The following FKBP11 variants were observed in gnomAD, a reference collection of about 807,000 sequenced individuals.
FKBP11 encodes the protein FKBP prolyl isomerase 11, also known as peptidyl-prolyl cis-trans isomerase FKBP11.
Under a neutral mutation model 24.7 loss-of-function variants are expected in FKBP11, and 21 were observed. That is an observed-to-expected ratio of 0.85 (90% CI 0.60 to 1.23). The LOEUF is 1.23. Among genes scored for constraint, FKBP11 ranks in the 50% most tolerant of loss-of-function variants. The pLI is 0.00. For missense variants in FKBP11, 245 were observed against 248.7 expected (o/e 0.99, Z 0.10); for synonymous variants, 106 against 100.6 (o/e 1.05, Z -0.32).
Position 48,925,326 on chromosome 12 carries a change from C to G in FKBP11, c.103G>C (p.Val35Leu). 1 of 1,611,258 alleles carries G rather than the reference C, an allele frequency of 6.2e-7. No homozygotes were observed. Among genetic ancestry groups the G allele is most frequent in the Non-Finnish European group, 8.5e-7 (1 of 1,179,272 alleles). Residue 35 changes from valine to leucine, a missense_variant, in exon 1 of 6, where the codon GTC becomes CTC. Physicochemically the swap from Val to Leu is conservative, Grantham distance 32 (BLOSUM62 1). Coordinates refer to ENST00000550765, the MANE Select transcript of FKBP11 (RefSeq NM_016594.3). ...AEAGLETESP[V>L]RTLQVETLVE... Reference sequence around the variant, plus strand: ...AGGGTCTCCACTTGGAGGGTCCGGACGGGACTTTCGGTTTCGAGCCCAGCC... The same window carrying G: ...AGGGTCTCCACTTGGAGGGTCCGGAGGGGACTTTCGGTTTCGAGCCCAGCC...
intron 5 of FKBP11, chr12:48,923,482 A>G (rs1428440185): frequency 2.6e-6 from 4 of 1,549,972 alleles, no homozygotes; most frequent in East Asian, 4.9e-5. Flanking sequence ...AAAGAAGTCC[A>G]GTGTTCTGGG....
At chr12:48,922,397 A>ATT in intron 5 of FKBP11, 196 bp from the exon 6 acceptor site, 1 of 676,870 alleles carries the variant, frequency 1.5e-6, no homozygotes, top group Non-Finnish European at 2.2e-6. Flanking sequence ...AATCATGTTG[A>ATT]CCCCAACTAC....
At chr12:48,925,173 C>T (rs776509947) in intron 1 of FKBP11, 62 bp from the exon 2 acceptor site, 18 of 1,596,840 alleles carry the variant, frequency 1.1e-5, no homozygotes, top group Non-Finnish European at 1.5e-5. Flanking sequence ...GCCCCTAGAC[C>T]CGGCACCACC....
In FKBP11 at chr12:48,925,009, C is replaced by A. The variant is rs756009261; in HGVS notation, c.195+37G>T. 35 of 1,582,776 alleles carry A rather than the reference C, an allele frequency of 2.2e-5. No individual in the cohort carries two copies. The Admixed American group carries it at 5.8e-4, about 26-fold the overall frequency. ...GACGTGTTTCAGCAGGGCGCCGCCC[C>A]CTCCCAGGCCCCGCCCCGGCCCCCC... On this transcript the variant is annotated intron_variant, in intron 2 of 5. Coordinates refer to ENST00000550765, the MANE Select transcript of FKBP11 (RefSeq NM_016594.3).
chr12:48,924,155 A>C, intron 4 of FKBP11, 68 bp downstream of exon 4: 1 of 1,566,994 alleles, frequency 6.4e-7, no homozygotes, highest in Non-Finnish European at 8.8e-7. Context: ...TTAAGGAGTG[A>C]GGATGGCCGA....
At chr12:48,922,843 A>T (rs1457555856) in intron 5 of FKBP11, 18 of 1,022,214 alleles carry the variant, frequency 1.8e-5, no homozygotes, top group South Asian at 3.3e-5. Context: ...CTAAGCTGGA[A>T]CTAGGATAAG....
the FKBP11 span, chr12:48,938,600 T>G: frequency 2.2e-5 from 10 of 456,390 alleles, no homozygotes; most frequent in Admixed American, 2.5e-4. Context: ...AGGACTCAGA[T>G]GCCAAGAGGA....
chr12:48,928,742 G>A (rs952579372), upstream of FKBP11, among the ~76,000 whole-genome samples: 17 of 151,606 alleles, frequency 1.1e-4, no homozygotes, highest in African/African-American at 4.1e-4. Flanking sequence ...GCCTCCCAAA[G>A]TGCTGGGATC....
intron 5 of FKBP11, chr12:48,922,599 AAAAAATC>A: frequency 9.0e-6 from 9 of 997,946 alleles, no homozygotes; most frequent in Non-Finnish European, 1.1e-5. Context: ...ACTAGACTTT[AAAAAATC>A]AACCAACCAA....
At chr12:48,924,083 AG>A in intron 4 of FKBP11, 139 bp downstream of exon 4, 1 of 1,027,108 alleles carries the variant, frequency 9.7e-7, no homozygotes, top group Non-Finnish European at 1.5e-6. Context: ...ATGCCCTCAG[AG>A]GTCCCACTGA....
At chr12:48,932,418 T>G in the FKBP11 span, among the ~76,000 whole-genome samples, 2 of 149,936 alleles carry the variant, frequency 1.3e-5, no homozygotes, top group African/African-American at 4.9e-5. Context: ...TGGCCTGGTG[T>G]TGTATTTTCA....
chr12:48,925,246 A>G (rs1031684634), intron 1 of FKBP11, 54 bp downstream of exon 1: 4 of 1,598,830 alleles, frequency 2.5e-6, no homozygotes, highest in Non-Finnish European at 3.4e-6. Context: ...CCCCAGTATT[A>G]CCACCCAACA....
At chr12:48,924,443 G>A (rs991486581) in intron 3 of FKBP11, 118 bp downstream of exon 3, 5 of 1,163,516 alleles carry the variant, frequency 4.3e-6, no homozygotes, top group Non-Finnish European at 6.4e-6. Flanking sequence ...GAGGTAACTC[G>A]TAGAGCCCTA....
upstream of FKBP11, chr12:48,931,447 G>T: frequency 6.5e-7 from 1 of 1,536,092 alleles, no homozygotes; most frequent in Non-Finnish European, 8.7e-7. Context: ...GGAGGGACCA[G>T]AGAAGGAGCT....
chr12:48,938,698 G>C, the FKBP11 span: 2 of 523,728 alleles, frequency 3.8e-6, no homozygotes, highest in Non-Finnish European at 6.9e-6. Context: ...CCATGAAACC[G>C]TAACAACTTT....
intron 5 of FKBP11, chr12:48,923,572 T>A (rs1939884704): frequency 6.4e-6 from 10 of 1,551,782 alleles, no homozygotes; most frequent in Non-Finnish European, 7.8e-6. Context: ...CTGGAGGTCA[T>A]GCCAGGTGGC....
chr12:48,928,283 G>A (rs1211173467), upstream of FKBP11, among the ~76,000 whole-genome samples: 1 of 151,498 alleles, frequency 6.6e-6, no homozygotes, highest in African/African-American at 2.4e-5. Flanking sequence ...GGAGTCAAGT[G>A]ATCTGCCCCC....
In FKBP11 at chr12:48,924,216, TACTC is replaced by T. The variant is rs780060093; in HGVS notation, c.317+3_317+6del. On this transcript the variant is annotated splice_donor_5th_base_variant and intron_variant, in intron 4 of 5. Transcript: ENST00000550765. Reference sequence around the variant, plus strand: ...GTACCCAGGCCCACCCCTGCCGAGATACTCACCCCACACACATGTCGAGAAGACT... The same window carrying T: ...GTACCCAGGCCCACCCCTGCCGAGATACCCCACACACATGTCGAGAAGACT... 2.2e-4 allele frequency: 351 copies of T among 1,614,164 alleles called. No homozygotes were observed. The highest frequency in any genetic ancestry group is 2.9e-4 in the Non-Finnish European group (337 of 1,180,014).
At chr12:48,938,415 C>T in the FKBP11 span, 1 of 454,172 alleles carries the variant, frequency 2.2e-6, no homozygotes, top group South Asian at 1.6e-5. Flanking sequence ...CTGAGCTTCA[C>T]TCCACCCCCT....
Sources: gnomAD v4.1 joint callset for allele counts (sites outside exome capture counted in the v4.1 genomes callset) on GRCh38, gnomAD v4.1.1 for gene constraint, MANE v1.5 for transcripts, NCBI Gene and HGNC (gene_info 2026-07-23, HGNC 2026-07-21) for gene names.